Variants in UBE2E3 observed in about 807,000 individuals in gnomAD.
UBE2E3 encodes the protein ubiquitin-conjugating enzyme E2 E3.
In UBE2E3, 5 loss-of-function variants were observed where a neutral mutation model predicts 23.6. The ratio of observed to expected loss-of-function variants is 0.21; its 90% CI spans 0.11 to 0.44. The LOEUF is 0.44. Among genes scored for constraint, UBE2E3 ranks in the 20% least tolerant of loss-of-function variants. The pLI is 0.99. For missense variants in UBE2E3, 81 were observed against 249.8 expected, an observed-to-expected ratio of 0.32 and a Z score of 4.55; for synonymous variants, 78 against 87.5, an observed-to-expected ratio of 0.89 and a Z score of 0.60.
rs1292707138 is a variant in UBE2E3 at position 180,980,932 on chromosome 2, C to T, written c.-67C>T. ...AGGGTTTTTTTCTCTCTCCCTCCCC[C>T]ACACCGTAGCGGCGCGCGAGCGGGC... On this transcript the variant is annotated 5_prime_UTR_variant, in exon 1 of 6. Coordinates refer to ENST00000410062, the MANE Select transcript of UBE2E3 (RefSeq NM_006357.4). The surrounding 1 kb of genome is among the most constrained non-coding windows in gnomAD (Gnocchi z 5.5). The T allele has an allele frequency of 2.0e-5, 3 of 148,212 alleles. No individual in the cohort carries two copies. The highest frequency in any genetic ancestry group is 1.8e-4 in the South Asian group (1 of 5,572). 9.2% of individuals were successfully genotyped at this position (148,212 alleles called of 1,614,324 possible).
At chr2:180,998,256 G>A (rs1222457002) in intron 3 of UBE2E3, among the ~76,000 whole-genome samples, 1 of 152,032 alleles carries the variant, frequency 6.6e-6, no homozygotes, top group African/African-American at 2.4e-5. Flanking sequence ...CTATAAATTG[G>A]TGGTGTTCTG....
intron 3 of UBE2E3, among the ~76,000 whole-genome samples, chr2:180,984,439 T>C (rs1308227792): frequency 6.6e-6 from 1 of 152,188 alleles, no homozygotes; most frequent in Non-Finnish European, 1.5e-5. Context: ...TTACTGCTTG[T>C]GTGTGCAATC....
chr2:181,016,697 A>G (rs567336447), intron 3 of UBE2E3, among the ~76,000 whole-genome samples: 2 of 152,340 alleles, frequency 1.3e-5, no homozygotes, highest in East Asian at 1.9e-4. Flanking sequence ...CTGTCGCCCT[A>G]TCAGTCTCAC....
At chr2:181,012,837 TACTA>T (rs1395869821) in intron 3 of UBE2E3, among the ~76,000 whole-genome samples, 5 of 152,188 alleles carry the variant, frequency 3.3e-5, no homozygotes, top group Admixed American at 2.0e-4. Context: ...AATTTAGAGA[TACTA>T]ACAAGTATTG....
chr2:181,060,363 GTA>G (rs1687108308), intron 4 of UBE2E3, among the ~76,000 whole-genome samples: 1 of 151,618 alleles, frequency 6.6e-6, no homozygotes, highest in Admixed American at 6.6e-5. Context: ...ACACACAGTT[GTA>G]TATGCTGTGG....
At chr2:180,983,999 A>G (rs750172262) in intron 2 of UBE2E3, 44 bp from the exon 3 acceptor site, 3 of 1,537,762 alleles carry the variant, frequency 2.0e-6, no homozygotes, top group Non-Finnish European at 2.7e-6. Flanking sequence ...GTTATTCTGT[A>G]GACTATATCA....
At chr2:181,004,500 G>A in intron 3 of UBE2E3, among the ~76,000 whole-genome samples, 1 of 152,092 alleles carries the variant, frequency 6.6e-6, no homozygotes, top group Non-Finnish European at 1.5e-5. Context: ...GGGCCTGGTG[G>A]TATGCACCTG....
chr2:181,035,052 A>G (rs1686225323), intron 3 of UBE2E3, among the ~76,000 whole-genome samples: 1 of 152,196 alleles, frequency 6.6e-6, no homozygotes, highest in Non-Finnish European at 1.5e-5. Context: ...TACATAATAA[A>G]TATACAAGTC....
At chr2:181,048,787 A>G (rs1686745038) in intron 3 of UBE2E3, among the ~76,000 whole-genome samples, 1 of 152,154 alleles carries the variant, frequency 6.6e-6, no homozygotes, top group Non-Finnish European at 1.5e-5. Context: ...TGAAGTTTGG[A>G]AAGCAATATA....
intron 3 of UBE2E3, among the ~76,000 whole-genome samples, chr2:181,044,408 G>A (rs75982812): frequency 1.3e-5 from 2 of 152,058 alleles, no homozygotes; most frequent in African/African-American, 2.4e-5. Context: ...TGGCAAGAAG[G>A]ATGCCAAATA....
chr2:181,023,817 T>C (rs1013923422), intron 3 of UBE2E3, among the ~76,000 whole-genome samples: 2 of 152,176 alleles, frequency 1.3e-5, no homozygotes. Context: ...GGTGTGAGAA[T>C]TAAATGAATT....
chr2:181,012,398 A>C (rs1354463215), intron 3 of UBE2E3, among the ~76,000 whole-genome samples: 3 of 152,122 alleles, frequency 2.0e-5, no homozygotes, highest in African/African-American at 7.2e-5. Context: ...TTTGCTATGT[A>C]TTTTAGGTAC....
chr2:180,995,479 G>A (rs1227473848), intron 3 of UBE2E3, among the ~76,000 whole-genome samples: 1 of 152,112 alleles, frequency 6.6e-6, no homozygotes, highest in Non-Finnish European at 1.5e-5. Flanking sequence ...TATTGGTAAG[G>A]CTTCAGGTCA....
chr2:181,013,694 G>A (rs1487863290), intron 3 of UBE2E3, among the ~76,000 whole-genome samples: 1 of 152,118 alleles, frequency 6.6e-6, no homozygotes, highest in African/African-American at 2.4e-5. Flanking sequence ...GGAGCTCATG[G>A]GTGTGTATAT....
In UBE2E3 at chr2:180,982,013, A is replaced by G. The variant is rs1342457882; in HGVS notation, c.-25-5A>G. The G allele has an allele frequency of 1.8e-5, 29 of 1,585,706 alleles. No homozygotes were observed. The highest frequency in any genetic ancestry group is 2.5e-5 in the Non-Finnish European group (29 of 1,167,278). On this transcript the variant is annotated splice_region_variant and splice_polypyrimidine_tract_variant and intron_variant, in intron 1 of 5. Coordinates refer to ENST00000410062, the MANE Select transcript of UBE2E3 (RefSeq NM_006357.4). ...CTCCTCCTCCTCCCCTGTTCTCTTT[A>G]AAAGTTTTCCAAGAGATAACTTCAC...
intron 3 of UBE2E3, among the ~76,000 whole-genome samples, chr2:181,035,764 G>A (rs1325750434): frequency 6.6e-6 from 1 of 151,942 alleles, no homozygotes; most frequent in African/African-American, 2.4e-5. Context: ...TCTTTTTTTA[G>A]TGTGGACACC....
intron 3 of UBE2E3, among the ~76,000 whole-genome samples, chr2:180,991,413 A>G (rs1299727022): frequency 6.6e-6 from 1 of 152,150 alleles, no homozygotes; most frequent in Non-Finnish European, 1.5e-5. Flanking sequence ...CAGCATCACT[A>G]CTCTTGGGCT....
chr2:180,985,301 C>T (rs1684424159), intron 3 of UBE2E3, among the ~76,000 whole-genome samples: 1 of 152,114 alleles, frequency 6.6e-6, no homozygotes, highest in South Asian at 2.1e-4. Flanking sequence ...CCACTTGCCA[C>T]ATGTGGCTAT....
At chr2:181,006,118 C>T (rs1685141219) in intron 3 of UBE2E3, among the ~76,000 whole-genome samples, 1 of 152,192 alleles carries the variant, frequency 6.6e-6, no homozygotes, top group South Asian at 2.1e-4. Flanking sequence ...GTCTCTTACT[C>T]TGACAGCAAG....
Sources: gnomAD v4.1 joint callset for allele counts (sites outside exome capture counted in the v4.1 genomes callset) on GRCh38, gnomAD v4.1.1 for gene constraint, Gnocchi (gnomAD v3.1) non-coding constraint, MANE v1.5 for transcripts, NCBI Gene and HGNC (gene_info 2026-07-23, HGNC 2026-07-21) for gene names.